Variants in GOSR1 observed in about 807,000 individuals in gnomAD.
The protein encoded by GOSR1 is golgi SNAP receptor complex member 1.
GOSR1 carries 21 observed loss-of-function variants against 35.5 expected under a neutral mutation model. That is an observed-to-expected ratio of 0.59 (90% CI 0.42 to 0.85). GOSR1 has a LOEUF of 0.85. GOSR1 is among the 40% of genes least tolerant of loss of function. GOSR1 has a pLI of 0.00. For missense variants in GOSR1, 285 were observed against 309.6 expected, an observed-to-expected ratio of 0.92 and a Z score of 0.60; for synonymous variants, 94 against 106.6, an observed-to-expected ratio of 0.88 and a Z score of 0.73.
intron 6 of GOSR1, among the ~76,000 whole-genome samples, chr17:30,494,859 C>G (rs1376856243): frequency 6.6e-6 from 1 of 151,606 alleles, no homozygotes; most frequent in African/African-American, 2.4e-5. Flanking sequence ...CCACCCACCT[C>G]AGCCTCTGAA....
At chr17:30,494,582 C>A (rs1966923371) in intron 6 of GOSR1, among the ~76,000 whole-genome samples, 1 of 151,984 alleles carries the variant, frequency 6.6e-6, no homozygotes, top group Non-Finnish European at 1.5e-5. Context: ...TTCTCCCCAC[C>A]CCAAGAATTT....
chr17:30,485,024 C>G, intron 4 of GOSR1: 1 of 476,744 alleles, frequency 2.1e-6, no homozygotes, highest in Non-Finnish European at 3.8e-6. Flanking sequence ...TATACTTCCA[C>G]TATGGGAGAC....
chr17:30,480,575 ATT>A (rs1343207408), intron 1 of GOSR1, among the ~76,000 whole-genome samples: 1 of 152,156 alleles, frequency 6.6e-6, no homozygotes, highest in Non-Finnish European at 1.5e-5. Context: ...ATAGAACAAC[ATT>A]TGTTTTCTAG....
chr17:30,494,568 GTTC>G (rs1275473568), intron 6 of GOSR1, among the ~76,000 whole-genome samples: 1 of 151,880 alleles, frequency 6.6e-6, no homozygotes, highest in African/African-American at 2.4e-5. Flanking sequence ...ATTTTGTATA[GTTC>G]TTCTCCCCAC....
intron 6 of GOSR1, among the ~76,000 whole-genome samples, chr17:30,493,007 T>C (rs1043628702): frequency 4.6e-5 from 7 of 151,720 alleles, no homozygotes; most frequent in East Asian, 1.9e-4. Context: ...TTTTTTTTTT[T>C]CTCTGAGATG....
chr17:30,504,823 AT>A (rs768006112), intron 6 of GOSR1, among the ~76,000 whole-genome samples: 3 of 152,256 alleles, frequency 2.0e-5, no homozygotes, highest in Admixed American at 2.0e-4. Flanking sequence ...AATACAAATT[AT>A]AATGAGTTTA....
At chr17:30,516,924 G>A (rs1234318427) in intron 7 of GOSR1, among the ~76,000 whole-genome samples, 2 of 152,210 alleles carry the variant, frequency 1.3e-5, no homozygotes, top group Admixed American at 6.5e-5. Flanking sequence ...ATGTTGGCCA[G>A]GCTGGTCTTG....
chr17:30,507,453 GCCTGTAAT>G (rs1289733497), intron 6 of GOSR1, among the ~76,000 whole-genome samples: 1 of 152,248 alleles, frequency 6.6e-6, no homozygotes, highest in Non-Finnish European at 1.5e-5. Flanking sequence ...GGTGGCTCAT[GCCTGTAAT>G]CCTGTAATCC....
chr17:30,518,439 A>T lies in GOSR1; in HGVS notation c.540-1500A>T, dbSNP rs1040267377. On this transcript the variant is annotated intron_variant, in intron 7 of 8. Coordinates refer to ENST00000451249, the MANE Select transcript of GOSR1 (RefSeq NM_001007025.2). ...CCCCAAATCTCAATCTCTTGATTTAAAAAAAAAAAAAAATAGATATTTTCA... is the reference window on the plus strand; with the variant it reads ...CCCCAAATCTCAATCTCTTGATTTATAAAAAAAAAAAAATAGATATTTTCA... Among the ~76,000 whole-genome samples, 18 of 25,042 alleles carry T rather than the reference A, an allele frequency of 7.2e-4. No homozygotes were observed. In the African/African-American group the frequency reaches 9.1e-3, roughly 13 times the overall value. The allele number at this position is 25,042 out of a possible 152,430, so 16.4% of individuals were successfully genotyped here.
chr17:30,490,331 C>T lies in GOSR1; in HGVS notation c.434+114C>T, dbSNP rs770295581. On this transcript the variant is annotated intron_variant, in intron 5 of 8. Transcript: ENST00000451249. ...AACCGTGGTTGAGATTTTAGGGTTTCCAATTCCCATTTCACTGTCTTTTTA... is the reference window on the plus strand; with the variant it reads ...AACCGTGGTTGAGATTTTAGGGTTTTCAATTCCCATTTCACTGTCTTTTTA... 6.2e-5 allele frequency: 36 copies of T among 581,958 alleles called. 1 individual carries two copies. Among genetic ancestry groups the T allele is most frequent in the South Asian group, 1.3e-4 (6 of 44,964 alleles). The allele number at this position is 581,958 out of a possible 1,614,324, so 36.0% of individuals were successfully genotyped here.
At chr17:30,498,354 C>T (rs1967077061) in intron 6 of GOSR1, among the ~76,000 whole-genome samples, 1 of 152,148 alleles carries the variant, frequency 6.6e-6, no homozygotes, top group Admixed American at 6.5e-5. Context: ...GGCATCATCC[C>T]TGTCCTCAGT....
chr17:30,479,844 C>G (rs894107663), intron 1 of GOSR1: 1 of 151,992 alleles, frequency 6.6e-6, no homozygotes, highest in Non-Finnish European at 1.5e-5. Flanking sequence ...TGGCCAGGTG[C>G]GATGTCTCAT....
Position 30,477,445 on chromosome 17 carries a change from G to C in GOSR1, c.12G>C (p.Gly4=). The C allele has an allele frequency of 6.2e-7, 1 of 1,609,334 alleles. No individual in the cohort carries two copies. Among genetic ancestry groups the C allele is most frequent in the Admixed American group, 1.7e-5 (1 of 59,560 alleles). The change falls in exon 1 of 9, where the codon GGG becomes GGC. Residue 4 remains glycine (G), a synonymous_variant. Transcript: ENST00000451249. MAA[G]TSSYWEDLRK... Reference sequence around the variant, plus strand: ...GTTGGACGACAAAGATGGCGGCAGGGACCAGCAGTTACTGGGAAGGTGAGG... The same window carrying C: ...GTTGGACGACAAAGATGGCGGCAGGCACCAGCAGTTACTGGGAAGGTGAGG...
intron 1 of GOSR1, chr17:30,479,358 C>T (rs1914180908): frequency 6.6e-6 from 1 of 152,220 alleles, no homozygotes; most frequent in Admixed American, 6.5e-5. Flanking sequence ...CCTTAGATGC[C>T]AGACTGCTAA....
intron 6 of GOSR1, 42 bp from the exon 7 acceptor site, chr17:30,510,838 A>G: frequency 9.1e-7 from 1 of 1,100,592 alleles, no homozygotes; most frequent in Non-Finnish European, 1.4e-6. Context: ...TTACATGTGC[A>G]TTTAGTAAAT....
chr17:30,477,799 C>CT (rs1914043269), intron 1 of GOSR1: 4 of 985,178 alleles, frequency 4.1e-6, no homozygotes, highest in South Asian at 4.7e-5. Flanking sequence ...GGTACGAACT[C>CT]TGAGAGGAAA....
At position 30,481,251 on chromosome 17, in the gene GOSR1, G is replaced by A. The variant is rs965674543; in HGVS notation, c.140G>A (p.Arg47His). 6.2e-6 allele frequency: 10 copies of A among 1,607,832 alleles called. No individual in the cohort carries two copies. Among genetic ancestry groups the A allele is most frequent in the East Asian group, 2.2e-5 (1 of 44,824 alleles). Residue 47 changes from arginine to histidine, a missense_variant, in exon 2 of 9, where the codon CGC becomes CAC. Coordinates refer to ENST00000451249, the MANE Select transcript of GOSR1 (RefSeq NM_001007025.2). Reference sequence around the variant, plus strand: ...CATAGCAGTACCCGAGATGGAAGACGCGACAGGTATAGGTACTACCAGATT... The same window carrying A: ...CATAGCAGTACCCGAGATGGAAGACACGACAGGTATAGGTACTACCAGATT... The part of the protein sequence containing the change: ...YSHSSTRDGR[R>H]DSSDTTPLLN...
intron 4 of GOSR1, among the ~76,000 whole-genome samples, chr17:30,486,253 A>G (rs1914677141): frequency 6.6e-6 from 1 of 152,026 alleles, no homozygotes; most frequent in Non-Finnish European, 1.5e-5. Context: ...ATGGTGGCTC[A>G]CACCTCTTAT....
chr17:30,498,212 T>C (rs1048480564), intron 6 of GOSR1, among the ~76,000 whole-genome samples: 1 of 152,166 alleles, frequency 6.6e-6, no homozygotes, highest in Non-Finnish European at 1.5e-5. Flanking sequence ...TGTTTCTTCA[T>C]GTGCATATCC....
Sources: gnomAD v4.1 joint callset for allele counts (sites outside exome capture counted in the v4.1 genomes callset) on GRCh38, gnomAD v4.1.1 for gene constraint, MANE v1.5 for transcripts, NCBI Gene and HGNC (gene_info 2026-07-23, HGNC 2026-07-21) for gene names.